The following ATP2B3 variants were observed in gnomAD, a reference collection of about 807,000 sequenced individuals.
ATP2B3 encodes the protein plasma membrane calcium-transporting ATPase 3.
A neutral mutation model predicts 70.8 loss-of-function variants in ATP2B3; 12 were observed. That is an observed-to-expected ratio of 0.17 (90% CI 0.11 to 0.27). The LOEUF (loss-of-function observed/expected upper bound fraction) is 0.27. Among genes scored for constraint, ATP2B3 ranks in the 10% least tolerant of loss-of-function variants. The pLI is 1.00. For synonymous variants in ATP2B3, 460 were observed against 497.8 expected, an observed-to-expected ratio of 0.92 and a Z score of 1.01; for missense variants, 858 against 1,118.5, an observed-to-expected ratio of 0.77 and a Z score of 3.32.
chrX:153,524,082 T>G (rs1449083366), intron 2 of ATP2B3, among the ~76,000 whole-genome samples: 2 of 86,628 alleles, frequency 2.3e-5, no homozygotes, highest in African/African-American at 1.4e-4. Context: ...AAGACCTTTG[T>G]TCTTTGCCAT....
intron 2 of ATP2B3, among the ~76,000 whole-genome samples, chrX:153,534,154 C>T (rs375036958): frequency 9.0e-6 from 1 of 110,689 alleles, no homozygotes; most frequent in African/African-American, 3.3e-5. Flanking sequence ...AGGGAGAAGG[C>T]GCCCTGGCAG....
intron 11 of ATP2B3, 37 bp from the exon 12 acceptor site, chrX:153,550,008 A>G: frequency 8.4e-7 from 1 of 1,196,224 alleles, no homozygotes; most frequent in Non-Finnish European, 1.1e-6. Context: ...GGGTGGTCTC[A>G]GGCCCCCAGT....
chrX:153,556,466 G>C, intron 15 of ATP2B3, 48 bp downstream of exon 15: 2 of 1,139,383 alleles, frequency 1.8e-6, no homozygotes, highest in Non-Finnish European at 2.4e-6. Context: ...GCCCGAGGTT[G>C]TCTGCTTCCT....
At chrX:153,556,845 C>A in intron 15 of ATP2B3, 72 bp from the exon 16 acceptor site, 1 of 1,074,660 alleles carries the variant, frequency 9.3e-7, no homozygotes, top group East Asian at 3.3e-5. Flanking sequence ...CCCCATAGCT[C>A]CCTGGGCAGG....
intron 3 of ATP2B3, among the ~76,000 whole-genome samples, chrX:153,540,261 G>A (rs1557005755): frequency 8.9e-6 from 1 of 112,136 alleles, no homozygotes; most frequent in African/African-American, 3.2e-5. Context: ...AGGGTGGGCA[G>A]TGTCTCCCCG....
chrX:153,544,603 A>T (rs1557008016), intron 7 of ATP2B3, among the ~76,000 whole-genome samples: 1 of 111,260 alleles, frequency 9.0e-6, no homozygotes, highest in African/African-American at 3.3e-5. Context: ...TACCAGCAAG[A>T]CCAGGGGGCT....
At chrX:153,536,900 G>A (rs782661204) in intron 3 of ATP2B3, among the ~76,000 whole-genome samples, 58 of 112,227 alleles carry the variant, frequency 5.2e-4, no homozygotes, top group African/African-American at 1.9e-3. Flanking sequence ...GGGTGACCGG[G>A]GCCTCTCCTG....
In ATP2B3 at chrX:153,564,911, G is replaced by T. The variant is rs1557017556; in HGVS notation, c.3160-10G>T. 8.5e-7 allele frequency: 1 copy of T among 1,171,966 alleles called. No homozygotes were observed. The highest frequency in any genetic ancestry group is 2.4e-4 in the Middle Eastern group (1 of 4,219). On this transcript the variant is annotated splice_polypyrimidine_tract_variant and intron_variant, in intron 20 of 21. Transcript: ENST00000263519. ...TGGCTCTCACGGCCACTTCCGTGTG[G>T]CTCCCCCAGGTCATTGCCACCATCC...
chrX:153,518,425 C>T lies in ATP2B3; in HGVS notation c.-246-7C>T, dbSNP rs918497151. On this transcript the variant is annotated splice_region_variant and splice_polypyrimidine_tract_variant and intron_variant, in intron 1 of 21. Coordinates refer to ENST00000263519, the MANE Select transcript of ATP2B3 (RefSeq NM_001001344.3). The stretch of plus-strand genomic sequence containing the variant: ...GCCGCACTTAGGTAACTTCTCCATC[C>T]CTCCAGGAACGGCTGTCTCCCCCTC... Among the ~76,000 whole-genome samples, 6 of 113,285 alleles carry T rather than the reference C, an allele frequency of 5.3e-5. No homozygotes were observed. The highest frequency in any genetic ancestry group is 7.5e-5 in the Non-Finnish European group (4 of 53,339).
chrX:153,522,963 C>T (rs1356798982), intron 2 of ATP2B3, among the ~76,000 whole-genome samples: 4 of 110,833 alleles, frequency 3.6e-5, no homozygotes, highest in Non-Finnish European at 7.6e-5. Context: ...CTATAGGAAA[C>T]GTATAAAACA....
rs1301738420 is a variant in ATP2B3, at chrX:153,556,332, T to A, written c.2240T>A (p.Ile747Lys). The stretch of plus-strand genomic sequence containing the variant: ...CGTCCTTGTGCTTCCCCTCCCCAGA[T>A]AGAACAGGAGCGGCTGGACAAGGTG... ...NRRIRNEKGE[I>K]EQERLDKVWP... The change falls in exon 15 of 22, where the codon ATA becomes AAA. Residue 747 changes from isoleucine (I) to lysine (K), a missense_variant and splice_region_variant. Transcript: ENST00000263519. 1.7e-6 allele frequency: 2 copies of A among 1,205,825 alleles called. No individual in the cohort carries two copies. Among genetic ancestry groups the A allele is most frequent in the Non-Finnish European group, 2.2e-6 (2 of 893,478 alleles).
chrX:153,546,096 C>T lies in ATP2B3; in HGVS notation c.925C>T (p.Gln309Ter). 8.3e-7 allele frequency: 1 copy of T among 1,211,220 alleles called. No homozygotes were observed. The highest frequency in any genetic ancestry group is 1.1e-6 in the Non-Finnish European group (1 of 895,309). Reference protein sequence around the residue: ...EEKKDKKGKQQDGAMESSQTK... With the variant: ...EEKKDKKGKQ Reference sequence around the variant, plus strand: ...TCCCTCTTCCATTGTAGGCAAGCAGCAGGATGGGGCCATGGAGAGTAGCCA... The same window carrying T: ...TCCCTCTTCCATTGTAGGCAAGCAGTAGGATGGGGCCATGGAGAGTAGCCA... The change falls in exon 8 of 22, where the codon CAG becomes TAG. Residue 309 changes from glutamine (Q) to a stop codon, truncating the protein, a stop_gained. Transcript: ENST00000263519. LOFTEE classifies it high-confidence loss of function.
In ATP2B3 at chrX:153,581,026, CTCT is replaced by C. The variant is rs1466131429; in HGVS notation, c.*730_*732del. ...ATTTACTGGCATGATATTTGCATTCCTCTTATCAGGCATTTTCATTTGGAAATT... is the reference window on the plus strand; with the variant it reads ...ATTTACTGGCATGATATTTGCATTCCTATCAGGCATTTTCATTTGGAAATT... On this transcript the variant is annotated 3_prime_UTR_variant, in exon 22 of 22. Coordinates refer to ENST00000263519, the MANE Select transcript of ATP2B3 (RefSeq NM_001001344.3). 1 of 111,720 alleles carries C rather than the reference CTCT, an allele frequency of 9.0e-6. No individual in the cohort carries two copies. The highest frequency in any genetic ancestry group is 1.9e-5 in the Non-Finnish European group (1 of 53,060). 9.2% of individuals were successfully genotyped at this position (111,720 alleles called of 1,213,427 possible).
At chrX:153,560,153 C>T (rs1197312795) in intron 18 of ATP2B3, among the ~76,000 whole-genome samples, 4 of 111,824 alleles carry the variant, frequency 3.6e-5, no homozygotes, top group South Asian at 7.5e-4. Context: ...ACAGCTCTTT[C>T]GCAAGCCTCT....
intron 21 of ATP2B3, chrX:153,569,407 G>T (rs921926419): frequency 3.8e-6 from 2 of 526,472 alleles, no homozygotes. Flanking sequence ...ACCCTCTCTC[G>T]GTGGGTGGCA....
intron 13 of ATP2B3, 113 bp from the exon 14 acceptor site, chrX:153,555,936 T>C: frequency 1.1e-6 from 1 of 884,884 alleles, no homozygotes; most frequent in East Asian, 3.1e-5. Context: ...GGCTTTACTC[T>C]CACCTCTGCT....
rs782573659 is a variant in ATP2B3, at chrX:153,536,157, AC to A, written c.-89del. The stretch of plus-strand genomic sequence containing the variant: ...TTAGCAGCTTTCTCACCGCCGCCAA[AC>A]CTTGCCTGGGCACTGGGACCGTGGG... On this transcript the variant is annotated 5_prime_UTR_variant, in exon 3 of 22. Coordinates refer to ENST00000263519, the MANE Select transcript of ATP2B3 (RefSeq NM_001001344.3). 27 of 1,053,471 alleles carry A rather than the reference AC, an allele frequency of 2.6e-5. No individual in the cohort carries two copies. The African/African-American group carries it at 3.7e-4, about 14-fold the overall frequency. 86.8% of individuals were successfully genotyped at this position (1,053,471 alleles called of 1,213,427 possible).
At position 153,534,298 on chromosome X, in the gene ATP2B3, G is replaced by A. The variant is rs148403682; in HGVS notation, c.-126-1824G>A. Among the ~76,000 whole-genome samples, 121 of 112,167 alleles carry A rather than the reference G, an allele frequency of 1.1e-3. No homozygotes were observed. The East Asian group carries it at 0.025, about 24-fold the overall frequency. On this transcript the variant is annotated intron_variant, in intron 2 of 21. Transcript: ENST00000263519. ...AAGTGGGACACCCAGCTGTCCTCTG[G>A]CTCTGCCACTTCCCCAAGCCAGCCT...
chrX:153,550,073 G>T lies in ATP2B3; in HGVS notation c.1610G>T (p.Arg537Leu). 8.3e-7 allele frequency: 1 copy of T among 1,211,330 alleles called. No homozygotes were observed. Among genetic ancestry groups the T allele is most frequent in the Non-Finnish European group, 1.1e-6 (1 of 894,748 alleles). Residue 537 changes from arginine (R) to leucine (L), a missense_variant, in exon 12 of 22, where the codon CGC (arginine) becomes CTC (leucine). Physicochemically the swap from Arg to Leu is moderately radical, Grantham distance 102. This residue lies in a region of ATP2B3 where 242 missense variants were observed against 281.3 expected (regional missense o/e 0.86). Coordinates refer to ENST00000263519, the MANE Select transcript of ATP2B3 (RefSeq NM_001001344.3). ...LPPEKEGALP[R>L]QVGNKTECAL... Reference sequence around the variant, plus strand: ...CCTGAGAAGGAAGGCGCCCTCCCACGCCAGGTGGGCAATAAGACGGAGTGC... The same window carrying T: ...CCTGAGAAGGAAGGCGCCCTCCCACTCCAGGTGGGCAATAAGACGGAGTGC...
Sources: allele counts gnomAD v4.1 joint callset (sites outside exome capture counted in the v4.1 genomes callset), GRCh38; gene constraint gnomAD v4.1.1; regional missense constraint gnomAD v4.1.1; transcripts MANE v1.5; gene names NCBI Gene and HGNC (gene_info 2026-07-23, HGNC 2026-07-21).